Variants in GMPS observed in about 807,000 individuals in gnomAD.
GMPS encodes guanosine monophosphate synthase, also known as GMP synthase [glutamine-hydrolyzing].
Under a neutral mutation model 77.9 loss-of-function variants are expected in GMPS, and 15 were observed. That is an observed-to-expected ratio of 0.19 (90% confidence interval 0.13 to 0.30). The LOEUF (loss-of-function observed/expected upper bound fraction) is 0.30, where lower values mean the gene tolerates loss of function less well. Among genes scored for constraint, GMPS ranks in the 10% least tolerant of loss-of-function variants. GMPS has a pLI of 1.00. For synonymous variants in GMPS, 224 were observed against 275.9 expected (o/e 0.81, Z 1.86); for missense variants, 590 against 838.8 (o/e 0.70, Z 3.66).
intron 1 of GMPS, among the ~76,000 whole-genome samples, chr3:155,872,013 C>T (rs1419304153): frequency 6.6e-6 from 1 of 152,166 alleles, no homozygotes; most frequent in African/African-American, 2.4e-5. Context: ...TTAAGATACA[C>T]CTCCTCTGTA....
intron 7 of GMPS, among the ~76,000 whole-genome samples, chr3:155,912,525 T>G (rs1283409650): frequency 6.6e-6 from 1 of 152,242 alleles, no homozygotes; most frequent in Non-Finnish European, 1.5e-5. Flanking sequence ...GGAATAGCTG[T>G]GGGCATTTTG....
intron 1 of GMPS, among the ~76,000 whole-genome samples, chr3:155,873,990 C>T (rs761795643): frequency 3.2e-4 from 48 of 152,118 alleles, no homozygotes; most frequent in Non-Finnish European, 6.5e-4. Context: ...ATCACCCGAA[C>T]GGTATACACA....
At chr3:155,886,093 T>C (rs1009393690) in intron 1 of GMPS, among the ~76,000 whole-genome samples, 3 of 151,572 alleles carry the variant, frequency 2.0e-5, no homozygotes, top group Admixed American at 6.6e-5. Flanking sequence ...AGTGCTGGGA[T>C]TACAGGTGTG....
At chr3:155,889,072 T>C (rs1202847373) in intron 1 of GMPS, among the ~76,000 whole-genome samples, 1 of 152,230 alleles carries the variant, frequency 6.6e-6, no homozygotes, top group East Asian at 1.9e-4. Context: ...ATTTAACTTC[T>C]ATACTTTGTT....
rs1426048660 is a variant in GMPS, at chr3:155,884,248, T to C, written c.28-9270T>C. 2.0e-5 allele frequency among the ~76,000 whole-genome samples: 3 copies of C among 151,770 alleles called. No homozygotes were observed. The East Asian group carries it at 5.8e-4, about 29-fold the overall frequency. ...TAAAAATACAAAAATTAGCTGGGCA[T>C]GGTGGTGCACTCCTGTAATCCCAGC... On this transcript the variant is annotated intron_variant, in intron 1 of 15. Transcript: ENST00000496455.
Position 155,912,411 on chromosome 3 carries a change from A to G in GMPS, c.886+1132A>G, listed in dbSNP as rs567114264. ...ACATCCTGGGAAGGTCCCCAATGGT[A>G]TCTTCACATGGTGATAGGTTTTTGT... On this transcript the variant is annotated intron_variant, in intron 7 of 15. Coordinates refer to ENST00000496455, the MANE Select transcript of GMPS (RefSeq NM_003875.3). 4.6e-5 allele frequency among the ~76,000 whole-genome samples: 7 copies of G among 152,374 alleles called. No individual in the cohort carries two copies. In the South Asian group the frequency reaches 8.3e-4, roughly 18 times the overall value.
intron 10 of GMPS, among the ~76,000 whole-genome samples, chr3:155,920,511 G>A (rs76204481): frequency 0.021 from 3,201 of 149,156 alleles, 134 homozygotes; most frequent in African/African-American, 0.074. Flanking sequence ...GGAGGCAGAG[G>A]TTGCAGTGAG....
At chr3:155,914,381 G>C in intron 7 of GMPS, 38 bp from the exon 8 acceptor site, 1 of 1,433,560 alleles carries the variant, frequency 7.0e-7, no homozygotes. Flanking sequence ...TAAAAAACAT[G>C]TTATACCAAT....
chr3:155,892,780 G>C (rs940445742), intron 1 of GMPS, among the ~76,000 whole-genome samples: 1 of 151,992 alleles, frequency 6.6e-6, no homozygotes, highest in East Asian at 1.9e-4. Flanking sequence ...TACAGTGCCC[G>C]CCACCATGCC....
chr3:155,928,237 G>C (rs1001418543), intron 12 of GMPS, among the ~76,000 whole-genome samples: 1 of 151,530 alleles, frequency 6.6e-6, no homozygotes, highest in Non-Finnish European at 1.5e-5. Context: ...ACGTTGCCCA[G>C]GTTGGTCTCG....
chr3:155,897,977 C>T lies in GMPS; in HGVS notation c.260C>T (p.Pro87Leu), dbSNP rs767800105. 1 of 1,611,444 alleles carries T rather than the reference C, an allele frequency of 6.2e-7. No individual in the cohort carries two copies. Among genetic ancestry groups the T allele is most frequent in the South Asian group, 1.1e-5 (1 of 91,028 alleles). The change falls in exon 3 of 16, where the codon CCC (proline) becomes CTC (leucine). Residue 87 changes from proline to leucine, a missense_variant. Physicochemically the swap from Pro to Leu is moderately conservative, Grantham distance 98 (BLOSUM62 -3). Transcript: ENST00000496455. ...GPNSVYAEDA[P>L]WFDPAIFTIG... is the part of the protein sequence containing the mutation. The stretch of plus-strand genomic sequence containing the variant: ...AATTCTGTGTATGCTGAAGATGCTC[C>T]CTGGTTTGATCCAGCAATATTCACT...
At chr3:155,930,080 G>A (rs1171300329) in intron 12 of GMPS, among the ~76,000 whole-genome samples, 2 of 146,098 alleles carry the variant, frequency 1.4e-5, no homozygotes, top group Admixed American at 1.4e-4. Flanking sequence ...GAACAAAGCT[G>A]GAGGCATCAC....
intron 10 of GMPS, among the ~76,000 whole-genome samples, chr3:155,920,615 C>T (rs1755297297): frequency 3.3e-5 from 5 of 150,140 alleles, no homozygotes; most frequent in Middle Eastern, 3.4e-3. Flanking sequence ...AAAGAATGAT[C>T]TGTGAATGTA....
chr3:155,879,754 G>A (rs1273457215), intron 1 of GMPS, among the ~76,000 whole-genome samples: 7 of 112,130 alleles, frequency 6.2e-5, no homozygotes, highest in Non-Finnish European at 9.1e-5. Context: ...TTTTTGAGGC[G>A]GAGTCTCGCA....
Position 155,906,282 on chromosome 3 carries a change from T to C in GMPS, c.526+19T>C. On this transcript the variant is annotated intron_variant, in intron 5 of 15. Coordinates refer to ENST00000496455, the MANE Select transcript of GMPS (RefSeq NM_003875.3). ...GTAGCAGGTGAAAATTCTAAAAATT[T>C]TGCAGAGTTCATTTAAAAAACTTTA... The C allele has an allele frequency of 6.6e-7, 1 of 1,515,912 alleles. No individual in the cohort carries two copies. Among genetic ancestry groups the C allele is most frequent in the Non-Finnish European group, 9.1e-7 (1 of 1,095,588 alleles). The allele number at this position is 1,515,912 out of a possible 1,614,324, so 93.9% of individuals were successfully genotyped here.
chr3:155,898,385 GT>G (rs922496269), intron 3 of GMPS, among the ~76,000 whole-genome samples: 3 of 152,146 alleles, frequency 2.0e-5, no homozygotes, highest in Non-Finnish European at 4.4e-5. Flanking sequence ...CCATTTGAAA[GT>G]TGCACACGTG....
chr3:155,913,736 G>C (rs1422250505), intron 7 of GMPS, among the ~76,000 whole-genome samples: 1 of 151,940 alleles, frequency 6.6e-6, no homozygotes, highest in East Asian at 1.9e-4. Context: ...GGCCAGGCTG[G>C]TCTCACACTG....
chr3:155,894,368 C>CGGAT (rs1754550203), intron 2 of GMPS, among the ~76,000 whole-genome samples: 1 of 152,118 alleles, frequency 6.6e-6, no homozygotes, highest in African/African-American at 2.4e-5. Context: ...GAAGTACAGG[C>CGGAT]GGATGCCACC....
chr3:155,899,350 A>G (rs1015674896), intron 3 of GMPS, among the ~76,000 whole-genome samples: 1 of 151,848 alleles, frequency 6.6e-6, no homozygotes, highest in Non-Finnish European at 1.5e-5. Context: ...CCTCAGTGAC[A>G]AGAGCAAAAC....
Sources: gnomAD v4.1 joint callset for allele counts (sites outside exome capture counted in the v4.1 genomes callset) on GRCh38, gnomAD v4.1.1 for gene constraint, MANE v1.5 for transcripts, NCBI Gene and HGNC (gene_info 2026-07-23, HGNC 2026-07-21) for gene names.